ADNP: variants seen among roughly 807,000 people sequenced by gnomAD.
The protein encoded by ADNP is activity-dependent neuroprotector homeobox protein.
ADNP carries 4 observed loss-of-function variants against 84.9 expected under a neutral mutation model. That is an observed-to-expected ratio of 0.05 (90% CI 0.02 to 0.11). The LOEUF is 0.11. Among genes scored for constraint, ADNP ranks in the 10% least tolerant of loss-of-function variants. The pLI is 1.00. For missense variants in ADNP, 1,132 were observed against 1,326.0 expected, an observed-to-expected ratio of 0.85 and a Z score of 2.27; for synonymous variants, 554 against 468.1, an observed-to-expected ratio of 1.18 and a Z score of -2.37.
In ADNP at chr20:50,891,992, G is replaced by T. The variant is rs774937286; in HGVS notation, c.2722C>A (p.Pro908Thr). ...ATTACCTTCAGTACATGTTCCTCTGGGTTATCGTTAGAGATTTTAGGTTCA... is the reference window on the plus strand; with the variant it reads ...ATTACCTTCAGTACATGTTCCTCTGTGTTATCGTTAGAGATTTTAGGTTCA... Reference protein sequence around the residue: ...EVEPKISNDNPEEHVLKVIPE... With the variant: ...EVEPKISNDNTEEHVLKVIPE... The change falls in exon 6 of 6, where the codon CCA becomes ACA. Residue 908 changes from proline to threonine, a missense_variant. Around this residue, in one of 10 missense-constraint regions of ADNP, gnomAD observed 381 missense variants for 319.9 expected, o/e 1.19. Transcript: ENST00000621696. 3.1e-6 allele frequency: 5 copies of T among 1,613,970 alleles called. No homozygotes were observed. In the Admixed American group the frequency reaches 8.3e-5, roughly 27 times the overall value.
chr20:50,912,436 C>G (rs1175201839), intron 2 of ADNP, among the ~76,000 whole-genome samples: 1 of 152,188 alleles, frequency 6.6e-6, no homozygotes, highest in African/African-American at 2.4e-5. Context: ...AGGTGTGAGC[C>G]ACTGCGCCTA....
intron 2 of ADNP, among the ~76,000 whole-genome samples, chr20:50,907,906 A>C (rs909307078): frequency 6.6e-6 from 1 of 152,130 alleles, no homozygotes; most frequent in African/African-American, 2.4e-5. Flanking sequence ...CCAGGAATGT[A>C]TGTTCACATT....
chr20:50,928,457 T>C (rs1984432800), intron 2 of ADNP, among the ~76,000 whole-genome samples, 194 bp downstream of exon 2: 1 of 152,186 alleles, frequency 6.6e-6, no homozygotes, highest in Non-Finnish European at 1.5e-5. Context: ...AAATTTCTCT[T>C]AAAAAAGCTG....
At chr20:50,901,591 C>T (rs1316556738) in intron 5 of ADNP, among the ~76,000 whole-genome samples, 3 of 152,116 alleles carry the variant, frequency 2.0e-5, no homozygotes, top group African/African-American at 7.2e-5. Context: ...TCACTGACAT[C>T]CTACAGAGTC....
At chr20:50,912,595 T>A (rs1254261013) in intron 2 of ADNP, among the ~76,000 whole-genome samples, 1 of 152,156 alleles carries the variant, frequency 6.6e-6, no homozygotes, top group Non-Finnish European at 1.5e-5. Context: ...TAGTTACTCA[T>A]CTAAACTAAG....
intron 5 of ADNP, among the ~76,000 whole-genome samples, chr20:50,897,914 A>AT (rs1260489498): frequency 6.6e-6 from 1 of 152,162 alleles, no homozygotes; most frequent in Non-Finnish European, 1.5e-5. Context: ...ACGACTTCTT[A>AT]TATCTCCTGC....
chr20:50,913,787 G>T, intron 2 of ADNP: 1 of 471,458 alleles, frequency 2.1e-6, no homozygotes. Flanking sequence ...GGAAGCTGGA[G>T]GAGGTGAAGG....
At chr20:50,924,432 G>A (rs1475489582) in intron 2 of ADNP, among the ~76,000 whole-genome samples, 1 of 152,102 alleles carries the variant, frequency 6.6e-6, no homozygotes, top group African/African-American at 2.4e-5. Flanking sequence ...ATTCATGTGA[G>A]CCCCCATTAG....
chr20:50,923,811 CCCAT>C (rs1984115524), intron 2 of ADNP, among the ~76,000 whole-genome samples: 1 of 152,212 alleles, frequency 6.6e-6, no homozygotes, highest in South Asian at 2.1e-4. Flanking sequence ...AGCCACCGCA[CCCAT>C]CCTCTTGTTG....
chr20:50,904,273 C>A, intron 3 of ADNP: 1 of 363,310 alleles, frequency 2.8e-6, no homozygotes, highest in South Asian at 3.3e-5. Context: ...TCATTGACTG[C>A]AGTGCACTCA....
Position 50,890,084 on chromosome 20 carries a change from C to A in ADNP, c.*1321G>T. 3.7e-6 allele frequency: 1 copy of A among 266,734 alleles called. No individual in the cohort carries two copies. 16.5% of individuals were successfully genotyped at this position (266,734 alleles called of 1,614,324 possible). ...TTACATATATATGCAGGCTCTGCTC[C>A]TTAACAAAAGGTGAACTGAAAAACT... On this transcript the variant is annotated 3_prime_UTR_variant, in exon 6 of 6. Coordinates refer to ENST00000621696, the MANE Select transcript of ADNP (RefSeq NM_001282531.3).
chr20:50,899,419 C>T (rs769166281), intron 5 of ADNP, among the ~76,000 whole-genome samples: 8 of 152,080 alleles, frequency 5.3e-5, no homozygotes, highest in Non-Finnish European at 8.8e-5. Context: ...CCATGTTGGC[C>T]AGGCTGGTCT....
chr20:50,914,466 C>T, intron 2 of ADNP: 2 of 408,668 alleles, frequency 4.9e-6, no homozygotes. Flanking sequence ...AACTAACATA[C>T]TTGGGCACAG....
chr20:50,923,497 AT>A (rs763666204), intron 2 of ADNP, among the ~76,000 whole-genome samples: 8 of 151,306 alleles, frequency 5.3e-5, no homozygotes, highest in South Asian at 2.1e-4. Flanking sequence ...TTTTATTTGC[AT>A]TTTTTTTGGT....
intron 2 of ADNP, among the ~76,000 whole-genome samples, chr20:50,918,942 C>T (rs1472082083): frequency 1.3e-5 from 2 of 152,066 alleles, no homozygotes; most frequent in Non-Finnish European, 2.9e-5. Context: ...ATCACATTAC[C>T]TACCAATTAT....
chr20:50,895,443 C>A (rs1042312075), intron 5 of ADNP, among the ~76,000 whole-genome samples: 3 of 152,104 alleles, frequency 2.0e-5, no homozygotes, highest in African/African-American at 7.2e-5. Context: ...ATACCATGAA[C>A]AAAGCTTACA....
At chr20:50,907,636 G>A (rs1038977279) in intron 2 of ADNP, among the ~76,000 whole-genome samples, 2 of 151,134 alleles carry the variant, frequency 1.3e-5, no homozygotes, top group African/African-American at 4.9e-5. Context: ...AGGCTGGAGT[G>A]TAGTGGTGTA....
chr20:50,913,250 C>CAAAAAAAAAAAAAAAAAAAAAAAAAAAA (rs56911332), intron 2 of ADNP, among the ~76,000 whole-genome samples: 6 of 42,892 alleles, frequency 1.4e-4, no homozygotes, highest in Non-Finnish European at 1.8e-4. Context: ...GACTCTGTCT[C>CAAAAAAAAAAAAAAAAAAAAAAAAAAAA]AAAAAAAAAA....
At chr20:50,896,561 A>G (rs1981415186) in intron 5 of ADNP, among the ~76,000 whole-genome samples, 3 of 151,576 alleles carry the variant, frequency 2.0e-5, no homozygotes. Flanking sequence ...CCCCGTCTCA[A>G]AAAAAAACCA....
Sources: allele counts gnomAD v4.1 joint callset (sites outside exome capture counted in the v4.1 genomes callset), GRCh38; gene constraint gnomAD v4.1.1; regional missense constraint gnomAD v4.1.1; transcripts MANE v1.5; gene names NCBI Gene and HGNC (gene_info 2026-07-23, HGNC 2026-07-21).